The following PLCB4 variants were observed in gnomAD, a reference collection of about 807,000 sequenced individuals.
PLCB4 encodes the protein phospholipase C beta 4, also known as 1-phosphatidylinositol 4,5-bisphosphate phosphodiesterase beta-4.
In PLCB4, 77 loss-of-function variants were observed where a neutral mutation model predicts 178.8. The observed-to-expected ratio is 0.43, with a 90% CI of 0.36 to 0.52. PLCB4 has a LOEUF of 0.52. Ranked by LOEUF, PLCB4 falls within the 20% of genes least tolerant of loss-of-function variation. The pLI is 0.00. For synonymous variants in PLCB4, 496 were observed against 490.8 expected (o/e 1.01, Z -0.14); for missense variants, 1,024 against 1,453.4 (o/e 0.70, Z 4.80).
chr20:9,367,100 T>C (rs2035852018), intron 9 of PLCB4, among the ~76,000 whole-genome samples: 1 of 152,196 alleles, frequency 6.6e-6, no homozygotes, highest in Admixed American at 6.5e-5. Flanking sequence ...TGTGAGACTA[T>C]CTCCATACTC....
intron 28 of PLCB4, among the ~76,000 whole-genome samples, chr20:9,428,098 T>G (rs2041152517): frequency 6.6e-6 from 1 of 152,200 alleles, no homozygotes; most frequent in African/African-American, 2.4e-5. Context: ...TTTACAAAGA[T>G]AGTTGACTGT....
At chr20:9,101,156 C>T (rs2091134937) in intron 2 of PLCB4, among the ~76,000 whole-genome samples, 1 of 152,126 alleles carries the variant, frequency 6.6e-6, no homozygotes. Context: ...AGCCGCCCAA[C>T]CAGAGAGACT....
chr20:9,284,884 T>C (rs2094523838), intron 3 of PLCB4, among the ~76,000 whole-genome samples: 1 of 151,986 alleles, frequency 6.6e-6, no homozygotes, highest in African/African-American at 2.4e-5. Context: ...TCTAGAGCTC[T>C]GCTTAAGTTG....
intron 2 of PLCB4, among the ~76,000 whole-genome samples, chr20:9,117,375 C>A (rs1198710310): frequency 6.6e-6 from 1 of 152,108 alleles, no homozygotes; most frequent in Non-Finnish European, 1.5e-5. Context: ...AGCTTTAAAT[C>A]CTTTTACACT....
intron 25 of PLCB4, among the ~76,000 whole-genome samples, chr20:9,411,742 A>G (rs893715129): frequency 6.6e-6 from 1 of 151,790 alleles, no homozygotes; most frequent in Non-Finnish European, 1.5e-5. Flanking sequence ...AAACACAACT[A>G]TGTGGTCATC....
intron 2 of PLCB4, among the ~76,000 whole-genome samples, chr20:9,209,623 G>T (rs1204838826): frequency 2.0e-5 from 3 of 152,034 alleles, no homozygotes; most frequent in African/African-American, 7.3e-5. Context: ...AGTGTTGATG[G>T]CCTCTAGGAG....
At chr20:9,259,543 T>C (rs1186878751) in intron 3 of PLCB4, among the ~76,000 whole-genome samples, 1 of 152,068 alleles carries the variant, frequency 6.6e-6, no homozygotes, top group Admixed American at 6.6e-5. Context: ...AATACAAGGC[T>C]GTAAAAGTCA....
rs187615116 is a variant in PLCB4 at position 9,418,121 on chromosome 20, A to C, written c.2052-1686A>C. 3.2e-3 allele frequency among the ~76,000 whole-genome samples: 493 copies of C among 152,256 alleles called. 6 individuals carry two copies. The highest frequency in any genetic ancestry group is 3.7e-3 in the South Asian group (18 of 4,832). Reference sequence around the variant, plus strand: ...TGCAAATTTTTTCCTTTTTGTGACTAGTCTTTTTACTTTCTTCATAGTGTC... The same window carrying C: ...TGCAAATTTTTTCCTTTTTGTGACTCGTCTTTTTACTTTCTTCATAGTGTC... On this transcript the variant is annotated intron_variant, in intron 25 of 39. Transcript: ENST00000378473.
intron 2 of PLCB4, among the ~76,000 whole-genome samples, chr20:9,109,419 A>G (rs1721957393): frequency 6.6e-6 from 1 of 152,128 alleles, no homozygotes; most frequent in African/African-American, 2.4e-5. Context: ...CTGGTAGGCA[A>G]TTCATGTGGG....
chr20:9,421,458 G>T lies in PLCB4; in HGVS notation c.2316G>T (p.Arg772=), dbSNP rs2040626177. 1.9e-6 allele frequency: 3 copies of T among 1,612,058 alleles called. No individual in the cohort carries two copies. In the East Asian group the frequency reaches 6.7e-5, roughly 36 times the overall value. The change falls in exon 27 of 40, where the codon CGG becomes CGT. Residue 772 remains arginine (R), a synonymous_variant. Transcript: ENST00000378473. ...ACAATGAAGAGTCATTTGTATTTCG[G>T]AAGGTAGGACATTTTCAGCACGTCA... The part of the protein sequence containing the change: ...PVYNEESFVF[R]KVILPDLAVL...
chr20:9,387,581 A>C, intron 15 of PLCB4, 25 bp downstream of exon 15: 1 of 1,067,878 alleles, frequency 9.4e-7, no homozygotes, highest in Non-Finnish European at 1.4e-6. Context: ...AATTACACAG[A>C]CTTTTCCAAA....
chr20:9,480,606 T>A lies in PLCB4; in HGVS notation c.*1597T>A, dbSNP rs1424496788. 1 of 152,216 alleles carries A rather than the reference T, an allele frequency of 6.6e-6. No homozygotes were observed. Among genetic ancestry groups the A allele is most frequent in the Non-Finnish European group, 1.5e-5 (1 of 68,028 alleles). The allele number at this position is 152,216 out of a possible 1,614,324, so 9.4% of individuals were successfully genotyped here. A position where few individuals can be genotyped will look rare whatever the true frequency, so the allele number is the denominator to read the frequency against. On this transcript the variant is annotated 3_prime_UTR_variant, in exon 40 of 40. Transcript: ENST00000378473. ...CTCAGCATGTTTTTCACCCAAATGA[T>A]GCAAAACATGCAGATTCTAGTTGAC...
chr20:9,238,227 T>C (rs887389889), intron 3 of PLCB4, among the ~76,000 whole-genome samples: 4 of 152,208 alleles, frequency 2.6e-5, no homozygotes, highest in Admixed American at 6.5e-5. Flanking sequence ...CAGCATATAC[T>C]GTTTTAACAT....
At chr20:9,269,138 G>A (rs147077374) in intron 3 of PLCB4, among the ~76,000 whole-genome samples, 25 of 152,266 alleles carry the variant, frequency 1.6e-4, no homozygotes, top group African/African-American at 6.0e-4. Flanking sequence ...CAAGTCTACA[G>A]CACTTATTTT....
intron 7 of PLCB4, among the ~76,000 whole-genome samples, chr20:9,350,864 C>T (rs2034268665): frequency 1.3e-5 from 2 of 152,146 alleles, no homozygotes; most frequent in Admixed American, 1.3e-4. Flanking sequence ...AGCCAGTTGG[C>T]TGATTTAGCT....
chr20:9,245,296 G>T (rs2094113201), intron 3 of PLCB4, among the ~76,000 whole-genome samples: 2 of 152,148 alleles, frequency 1.3e-5, no homozygotes. Context: ...TCCACTTCTT[G>T]ATGGGAAGAA....
intron 2 of PLCB4, among the ~76,000 whole-genome samples, chr20:9,160,809 G>A (rs1027470221): frequency 6.6e-6 from 1 of 152,154 alleles, no homozygotes; most frequent in African/African-American, 2.4e-5. Flanking sequence ...TTCGGGTTTG[G>A]AGGATTAGCA....
intron 30 of PLCB4, among the ~76,000 whole-genome samples, chr20:9,441,375 G>A (rs3819580): frequency 0.22 from 33,031 of 151,970 alleles, 4,079 homozygotes; most frequent in East Asian, 0.37. Flanking sequence ...GCCTTTGGGG[G>A]AAGTGATGTC....
intron 3 of PLCB4, among the ~76,000 whole-genome samples, chr20:9,234,726 T>C (rs2147371202): frequency 6.6e-6 from 1 of 152,204 alleles, no homozygotes; most frequent in African/African-American, 2.4e-5. Flanking sequence ...TTTTCATAGG[T>C]TGACACTTGT....
Sources: allele counts gnomAD v4.1 joint callset (sites outside exome capture counted in the v4.1 genomes callset), GRCh38; gene constraint gnomAD v4.1.1; transcripts MANE v1.5; gene names NCBI Gene and HGNC (gene_info 2026-07-23, HGNC 2026-07-21).